ARPP21: variants seen among roughly 807,000 people sequenced by gnomAD.
ARPP21 encodes the protein cAMP regulated phosphoprotein 21, also known as cAMP-regulated phosphoprotein 21.
A neutral mutation model predicts 113.2 loss-of-function variants in ARPP21; 69 were observed. The ratio of observed to expected loss-of-function variants is 0.61; its 90% CI spans 0.50 to 0.74. The LOEUF (loss-of-function observed/expected upper bound fraction) is 0.74. Ranked by LOEUF, ARPP21 falls within the 30% of genes least tolerant of loss-of-function variation. ARPP21 has a pLI of 0.00. For synonymous variants in ARPP21, 368 were observed against 375.5 expected (o/e 0.98, Z 0.23); for missense variants, 1,070 against 1,037.4 (o/e 1.03, Z -0.43).
In ARPP21 at chr3:35,684,221, G is replaced by A. The variant is rs1409001225; in HGVS notation, c.261+406G>A. ...CTCCCCAAAATGCACTTGCCTATAA[G>A]AAACACAATTGCTGGTTCATATGAA... On this transcript the variant is annotated intron_variant, in intron 5 of 20. Transcript: ENST00000684406. 4 of 1,295,536 alleles carry A rather than the reference G, an allele frequency of 3.1e-6. No homozygotes were observed. The African/African-American group carries it at 5.9e-5, about 19-fold the overall frequency. The allele number at this position is 1,295,536 out of a possible 1,614,324, so 80.3% of individuals were successfully genotyped here.
At chr3:35,641,726 A>G (rs1025106438) in intron 1 of ARPP21, 3 of 152,152 alleles carry the variant, frequency 2.0e-5, no homozygotes, top group African/African-American at 4.8e-5. Flanking sequence ...GTTTGATCCT[A>G]TATTTCCTTT....
chr3:35,664,850 C>G (rs1308468481), intron 1 of ARPP21, among the ~76,000 whole-genome samples: 2 of 151,616 alleles, frequency 1.3e-5, no homozygotes, highest in Non-Finnish European at 2.9e-5. Flanking sequence ...GAGCTGGAAC[C>G]GACTCCAGGC....
At chr3:35,711,578 G>A (rs2091138719) in intron 11 of ARPP21, among the ~76,000 whole-genome samples, 1 of 152,194 alleles carries the variant, frequency 6.6e-6, no homozygotes, top group Non-Finnish European at 1.5e-5. Context: ...TGTGGGTCAG[G>A]AGTCTGGGAG....
chr3:35,669,492 C>A (rs1658293463), intron 1 of ARPP21, among the ~76,000 whole-genome samples: 1 of 152,068 alleles, frequency 6.6e-6, no homozygotes, highest in Non-Finnish European at 1.5e-5. Context: ...TTTCCACATC[C>A]ATAGTTTGGA....
rs543998685 is a variant in ARPP21 at position 35,667,716 on chromosome 3, A to T, written c.-212-12071A>T. Among the ~76,000 whole-genome samples, 8 of 152,036 alleles carry T rather than the reference A, an allele frequency of 5.3e-5. No homozygotes were observed. The East Asian group carries it at 1.6e-3, about 29-fold the overall frequency. On this transcript the variant is annotated intron_variant, in intron 1 of 20. Transcript: ENST00000684406. ...GAAATGTAATCTAGTCTTAAATTGG[A>T]TCATAATGCATGACAAGTTAATTTA...
chr3:35,646,015 T>C (rs994994078), intron 1 of ARPP21, among the ~76,000 whole-genome samples: 1 of 151,980 alleles, frequency 6.6e-6, no homozygotes, highest in Admixed American at 6.6e-5. Flanking sequence ...TGATAAAATA[T>C]GCTTTGACAC....
chr3:35,667,476 T>C (rs1415256899), intron 1 of ARPP21, among the ~76,000 whole-genome samples: 1 of 152,134 alleles, frequency 6.6e-6, no homozygotes, highest in Non-Finnish European at 1.5e-5. Flanking sequence ...TTCTACTAGA[T>C]GTTTTAGTAC....
At chr3:35,776,133 A>T (rs565734691) in intron 19 of ARPP21, among the ~76,000 whole-genome samples, 12 of 152,194 alleles carry the variant, frequency 7.9e-5, no homozygotes, top group African/African-American at 2.7e-4. Context: ...TTAAATGGGG[A>T]AAAGTAAAAT....
chr3:35,732,202 C>A (rs2094028295), intron 15 of ARPP21, among the ~76,000 whole-genome samples: 1 of 151,988 alleles, frequency 6.6e-6, no homozygotes, highest in Non-Finnish European at 1.5e-5. Context: ...AAGGTATCTG[C>A]CAATCATGTG....
At chr3:35,679,653 G>T (rs2078370357) in intron 1 of ARPP21, 134 bp from the exon 2 acceptor site, 1 of 151,892 alleles carries the variant, frequency 6.6e-6, no homozygotes, top group Non-Finnish European at 1.5e-5. Flanking sequence ...TGAGACAGGT[G>T]GAGCTGGATC....
intron 9 of ARPP21, among the ~76,000 whole-genome samples, chr3:35,700,679 A>G (rs2086014915): frequency 6.6e-6 from 1 of 151,790 alleles, no homozygotes; most frequent in Admixed American, 6.6e-5. Flanking sequence ...AAGTGAATTC[A>G]ACATGCAAAG....
In ARPP21 at chr3:35,792,484, C is replaced by T. The variant is rs1472441379; in HGVS notation, c.2240C>T (p.Pro747Leu). The T allele has an allele frequency of 5.0e-6, 8 of 1,614,022 alleles. No individual in the cohort carries two copies. The highest frequency in any genetic ancestry group is 5.9e-6 in the Non-Finnish European group (7 of 1,179,914). Residue 747 changes from proline (P) to leucine (L), a missense_variant, in exon 20 of 21, where the codon CCG becomes CTG. Transcript: ENST00000684406. ...GTGATAAATAACCAACAAGGAACTC[C>T]GGTGCAAAGCGTGATGGTTTCCTAC... is the stretch of plus-strand genomic sequence containing the variant. Reference protein sequence around the residue: ...QNVINNQQGTPVQSVMVSYPT... With the variant: ...QNVINNQQGTLVQSVMVSYPT...
chr3:35,731,243 G>A (rs936471512), intron 15 of ARPP21, among the ~76,000 whole-genome samples: 3 of 152,150 alleles, frequency 2.0e-5, no homozygotes, highest in African/African-American at 7.2e-5. Flanking sequence ...AGTTGTGCAT[G>A]TGTATGTGTA....
At chr3:35,726,187 G>C (rs546117711) in intron 14 of ARPP21, among the ~76,000 whole-genome samples, 1 of 152,302 alleles carries the variant, frequency 6.6e-6, no homozygotes, top group South Asian at 2.1e-4. Context: ...TCTGAAGAAA[G>C]GGAATCAGAA....
intron 14 of ARPP21, among the ~76,000 whole-genome samples, chr3:35,725,545 A>G (rs1373632018): frequency 6.6e-6 from 1 of 152,192 alleles, no homozygotes; most frequent in Non-Finnish European, 1.5e-5. Flanking sequence ...TGGCAGAACC[A>G]GAATTAAAAC....
chr3:35,647,176 G>C (rs917747581), intron 1 of ARPP21, among the ~76,000 whole-genome samples: 1 of 152,102 alleles, frequency 6.6e-6, no homozygotes, highest in African/African-American at 2.4e-5. Flanking sequence ...GGATAACTTA[G>C]TGTTTTAGTG....
intron 1 of ARPP21, among the ~76,000 whole-genome samples, chr3:35,676,747 G>A (rs549664785): frequency 1.1e-4 from 16 of 151,938 alleles, no homozygotes; most frequent in East Asian, 5.8e-4. Flanking sequence ...TATTCATGGC[G>A]TTGTTGCTCT....
intron 19 of ARPP21, among the ~76,000 whole-genome samples, chr3:35,748,130 GAA>G (rs1406723075): frequency 8.7e-6 from 1 of 114,798 alleles, no homozygotes; most frequent in East Asian, 2.3e-4. Context: ...AGAAAGAAAA[GAA>G]AGAAAGGGAG....
At chr3:35,647,096 T>A (rs907976820) in intron 1 of ARPP21, among the ~76,000 whole-genome samples, 10 of 152,300 alleles carry the variant, frequency 6.6e-5, no homozygotes, top group African/African-American at 2.2e-4. Flanking sequence ...TTAGCATTGT[T>A]AAGCACTCTG....
Sources: allele counts gnomAD v4.1 joint callset (sites outside exome capture counted in the v4.1 genomes callset), GRCh38; gene constraint gnomAD v4.1.1; transcripts MANE v1.5; gene names NCBI Gene and HGNC (gene_info 2026-07-23, HGNC 2026-07-21).